ERBIN: variants seen among roughly 807,000 people sequenced by gnomAD.
ERBIN encodes the protein densin-180-like protein.
Under a neutral mutation model 158.4 loss-of-function variants are expected in ERBIN, and 60 were observed. The ratio of observed to expected loss-of-function variants is 0.38; its 90% CI spans 0.31 to 0.47. The LOEUF is 0.47. ERBIN is among the 20% of genes least tolerant of loss of function. The pLI is 0.99. For missense variants in ERBIN, 1,610 were observed against 1,648.0 expected (o/e 0.98, Z 0.40); for synonymous variants, 594 against 557.2 (o/e 1.07, Z -0.93).
intron 21 of ERBIN, among the ~76,000 whole-genome samples, chr5:66,065,133 C>T (rs1234751565): frequency 2.0e-5 from 3 of 152,162 alleles, no homozygotes; most frequent in East Asian, 3.9e-4. Context: ...TGACTGTGTG[C>T]AAGTAACATG....
intron 1 of ERBIN, chr5:65,984,738 T>C (rs1226764889): frequency 2.6e-5 from 4 of 152,234 alleles, no homozygotes; most frequent in Non-Finnish European, 5.9e-5. Flanking sequence ...GTTTGGCTTA[T>C]GCTTCTGCTT....
At chr5:66,020,760 C>T (rs1216023997) in intron 7 of ERBIN, among the ~76,000 whole-genome samples, 1 of 151,890 alleles carries the variant, frequency 6.6e-6, no homozygotes, top group Non-Finnish European at 1.5e-5. Context: ...TATATTATTG[C>T]TTTTATTTAA....
intron 21 of ERBIN, among the ~76,000 whole-genome samples, chr5:66,067,828 T>C (rs943937689): frequency 6.6e-6 from 1 of 151,988 alleles, no homozygotes; most frequent in Non-Finnish European, 1.5e-5. Context: ...ATAAAAAAAC[T>C]AGCCAGGCAT....
intron 21 of ERBIN, among the ~76,000 whole-genome samples, chr5:66,057,335 A>T (rs1759697708): frequency 6.6e-6 from 1 of 152,158 alleles, no homozygotes; most frequent in Admixed American, 6.6e-5. Flanking sequence ...TGACACATAT[A>T]ACTAACTGCT....
At chr5:66,077,481 CA>C (rs533208535) in intron 25 of ERBIN, among the ~76,000 whole-genome samples, 2 of 147,954 alleles carry the variant, frequency 1.4e-5, no homozygotes. Flanking sequence ...ATCCTCAAAC[CA>C]AAAAAAAAGG....
At chr5:66,036,509 C>T (rs911899626) in intron 14 of ERBIN, among the ~76,000 whole-genome samples, 18 of 152,256 alleles carry the variant, frequency 1.2e-4, no homozygotes, top group Admixed American at 3.9e-4. Context: ...GAATGCTTTG[C>T]TAATCATTCA....
At chr5:66,038,172 C>G (rs765323803) in intron 14 of ERBIN, among the ~76,000 whole-genome samples, 2 of 152,062 alleles carry the variant, frequency 1.3e-5, no homozygotes, top group Admixed American at 6.6e-5. Context: ...ATACTAAAAA[C>G]TACATTTGTT....
chr5:65,948,201 TC>T (rs1746033745), intron 1 of ERBIN, among the ~76,000 whole-genome samples: 1 of 151,942 alleles, frequency 6.6e-6, no homozygotes, highest in Non-Finnish European at 1.5e-5. Context: ...TTGCTCTGTG[TC>T]CCAGGATGTT....
rs573172870 is a variant in ERBIN, at chr5:66,081,204, T to G, written c.*2674T>G. 1 of 151,966 alleles carries G rather than the reference T, an allele frequency of 6.6e-6. No individual in the cohort carries two copies. Among genetic ancestry groups the G allele is most frequent in the Non-Finnish European group, 1.5e-5 (1 of 67,886 alleles). The allele number at this position is 151,966 out of a possible 1,614,324, so 9.4% of individuals were successfully genotyped here. On this transcript the variant is annotated 3_prime_UTR_variant, in exon 26 of 26. Transcript: ENST00000284037. ...AGTAAAAAAATAATACTGATCAGAG[T>G]AATTTATACGGCATACAATAGTTGA...
chr5:66,077,376 T>C (rs1006122433), intron 25 of ERBIN, among the ~76,000 whole-genome samples: 7 of 152,004 alleles, frequency 4.6e-5, no homozygotes, highest in African/African-American at 1.7e-4. Flanking sequence ...ACTTACAGTC[T>C]TAGAAGGAAG....
intron 21 of ERBIN, among the ~76,000 whole-genome samples, chr5:66,068,638 ACTTT>A (rs1475309136): frequency 6.6e-6 from 1 of 152,186 alleles, no homozygotes; most frequent in Non-Finnish European, 1.5e-5. Context: ...ATATGTCTGT[ACTTT>A]CTTCCTTTGC....
At chr5:65,931,893 A>G (rs1451704061) in intron 1 of ERBIN, among the ~76,000 whole-genome samples, 1 of 145,554 alleles carries the variant, frequency 6.9e-6, no homozygotes, top group Non-Finnish European at 1.5e-5. Flanking sequence ...GTCTCGGCTC[A>G]CCGCAGCCTC....
intron 1 of ERBIN, among the ~76,000 whole-genome samples, chr5:65,956,247 G>T (rs879328939): frequency 1.3e-5 from 2 of 150,780 alleles, no homozygotes; most frequent in Non-Finnish European, 2.9e-5. Flanking sequence ...GCCCTTCGGG[G>T]TGTGGGTGTG....
intron 1 of ERBIN, among the ~76,000 whole-genome samples, chr5:65,943,150 C>G (rs1745275167): frequency 6.6e-6 from 1 of 152,076 alleles, no homozygotes; most frequent in Admixed American, 6.5e-5. Context: ...TGGGTTTTGA[C>G]AAATGTATAC....
chr5:66,025,014 C>G (rs1263317070), intron 10 of ERBIN, among the ~76,000 whole-genome samples: 1 of 152,078 alleles, frequency 6.6e-6, no homozygotes, highest in African/African-American at 2.4e-5. Flanking sequence ...TACGATTCTA[C>G]TCTTAGTCAA....
intron 14 of ERBIN, among the ~76,000 whole-genome samples, chr5:66,030,491 C>A (rs951720783): frequency 1.3e-5 from 2 of 151,606 alleles, no homozygotes; most frequent in African/African-American, 4.9e-5. Flanking sequence ...CATTTACTAA[C>A]TTCACAATGA....
At chr5:65,989,005 A>T (rs1302793656) in intron 2 of ERBIN, among the ~76,000 whole-genome samples, 7 of 131,714 alleles carry the variant, frequency 5.3e-5, no homozygotes, top group Non-Finnish European at 1.0e-4. Context: ...AAAAAAAAAA[A>T]GCTTATTATT....
At chr5:65,987,444 C>CCCAG (rs1419539178) in intron 1 of ERBIN, among the ~76,000 whole-genome samples, 1 of 151,270 alleles carries the variant, frequency 6.6e-6, no homozygotes, top group East Asian at 1.9e-4. Flanking sequence ...CGCTTATAGT[C>CCCAG]CCAGCCACTC....
chr5:66,025,370 A>G lies in ERBIN; in HGVS notation c.818-110A>G, dbSNP rs558429472. The G allele has an allele frequency of 7.9e-5, 64 of 805,962 alleles. No individual in the cohort carries two copies. In the African/African-American group the frequency reaches 9.7e-4, roughly 12 times the overall value. The allele number at this position is 805,962 out of a possible 1,614,324, so 49.9% of individuals were successfully genotyped here. ...GGTATCTCTTTTAGATACGTTTGTT[A>G]GGAAAGTTGTTTCTAATTCTTGTCA... On this transcript the variant is annotated intron_variant, in intron 10 of 25. Coordinates refer to ENST00000284037, the MANE Select transcript of ERBIN (RefSeq NM_001253697.2).
Sources: gnomAD v4.1 joint callset for allele counts (sites outside exome capture counted in the v4.1 genomes callset) on GRCh38, gnomAD v4.1.1 for gene constraint, MANE v1.5 for transcripts, NCBI Gene and HGNC (gene_info 2026-07-23, HGNC 2026-07-21) for gene names.